The following GAS2L3 variants were observed in gnomAD, a reference collection of about 807,000 sequenced individuals.
GAS2L3 encodes growth arrest specific 2 like 3.
Under a neutral mutation model 37.0 loss-of-function variants are expected in GAS2L3, and 28 were observed. That is an observed-to-expected ratio of 0.76 (90% CI 0.56 to 1.04). GAS2L3 has a LOEUF of 1.04. Ranked by LOEUF, GAS2L3 falls within the 50% of genes least tolerant of loss-of-function variation. The probability of loss-of-function intolerance (pLI) is 0.00; values close to 1 mark genes in which losing one functional copy is unlikely to be tolerated. For missense variants in GAS2L3, 793 were observed against 817.6 expected, an observed-to-expected ratio of 0.97 and a Z score of 0.37; for synonymous variants, 290 against 296.6, an observed-to-expected ratio of 0.98 and a Z score of 0.23.
At chr12:100,594,801 T>C in intron 2 of GAS2L3, 74 bp from the exon 3 acceptor site, 1 of 464,236 alleles carries the variant, frequency 2.2e-6, no homozygotes, top group Non-Finnish European at 3.8e-6. Flanking sequence ...TCCTAAATCT[T>C]GTAATTTGGG....
rs58446699 is a variant in GAS2L3 at position 100,575,476 on chromosome 12, A to ATTTTTTTTTTTT, written c.-152+1703_-152+1714dup. Among the ~76,000 whole-genome samples the ATTTTTTTTTTTT allele has an allele frequency of 7.9e-5, 7 of 88,796 alleles. 1 individual carries two copies. The highest frequency in any genetic ancestry group is 3.1e-4 in the Admixed American group (2 of 6,546). The allele number at this position is 88,796 out of a possible 152,430, so 58.3% of individuals were successfully genotyped here. On this transcript the variant is annotated intron_variant, in intron 1 of 9. Coordinates refer to ENST00000547754, the MANE Select transcript of GAS2L3 (RefSeq NM_174942.3). ...CTAAAATGTAGTTCATGTTATCTCT[A>ATTTTTTTTTTTT]TTTTTTTTTTTTTTTTTTTTTTTGA...
rs1956135488 is a variant in GAS2L3 at position 100,612,149 on chromosome 12, A to G, written c.445+8A>G. 6.2e-7 allele frequency: 1 copy of G among 1,610,616 alleles called. No individual in the cohort carries two copies. ...TTGAATCTGAAGGTTTAGGTAAGTGATGTTCTTGTCATTCTTGTTTTTAAT... is the reference window on the plus strand; with the variant it reads ...TTGAATCTGAAGGTTTAGGTAAGTGGTGTTCTTGTCATTCTTGTTTTTAAT... On this transcript the variant is annotated splice_region_variant and intron_variant, in intron 6 of 9. Transcript: ENST00000547754.
intron 3 of GAS2L3, among the ~76,000 whole-genome samples, chr12:100,597,337 A>G (rs995040012): frequency 6.6e-6 from 1 of 152,102 alleles, no homozygotes; most frequent in African/African-American, 2.4e-5. Flanking sequence ...TTCCTCAATT[A>G]TTGAACAAAT....
At chr12:100,612,221 A>G in intron 6 of GAS2L3, 80 bp downstream of exon 6, 1 of 1,169,780 alleles carries the variant, frequency 8.5e-7, no homozygotes, top group South Asian at 1.3e-5. Context: ...TTTTCTTTCC[A>G]AATAAGGACT....
chr12:100,575,856 G>A (rs1593153850), intron 1 of GAS2L3, among the ~76,000 whole-genome samples: 2 of 152,154 alleles, frequency 1.3e-5, no homozygotes, highest in African/African-American at 4.8e-5. Context: ...GGAATTCAGT[G>A]CAGGCTTTTT....
At chr12:100,583,741 T>C (rs1007153924) in intron 1 of GAS2L3, among the ~76,000 whole-genome samples, 1 of 152,150 alleles carries the variant, frequency 6.6e-6, no homozygotes, top group African/African-American at 2.4e-5. Flanking sequence ...AGTGCTGGGA[T>C]TACAGGCATT....
chr12:100,594,993 GAT>G (rs1955892945), intron 3 of GAS2L3, 71 bp downstream of exon 3: 1 of 679,634 alleles, frequency 1.5e-6, no homozygotes, highest in East Asian at 3.2e-5. Context: ...AATTAGCAAA[GAT>G]AAAATTATCA....
chr12:100,624,249 A>G lies in GAS2L3; in HGVS notation c.1444A>G (p.Arg482Gly). The change falls in exon 10 of 10, where the codon AGA becomes GGA. Residue 482 changes from arginine (R) to glycine (G), a missense_variant. Coordinates refer to ENST00000547754, the MANE Select transcript of GAS2L3 (RefSeq NM_174942.3). Reference sequence around the variant, plus strand: ...TTTGAAACATAATCATATTTCTTCCAGAGATAATGCAGTATCTCACTTAGC... The same window carrying G: ...TTTGAAACATAATCATATTTCTTCCGGAGATAATGCAGTATCTCACTTAGC... ...KYLKHNHISS[R>G]DNAVSHLAAH... The G allele has an allele frequency of 1.2e-6, 2 of 1,614,132 alleles. No individual in the cohort carries two copies. Among genetic ancestry groups the G allele is most frequent in the Non-Finnish European group, 1.7e-6 (2 of 1,179,992 alleles).
chr12:100,593,030 G>A (rs796320981), intron 2 of GAS2L3, among the ~76,000 whole-genome samples: 13 of 152,238 alleles, frequency 8.5e-5, no homozygotes, highest in African/African-American at 2.2e-4. Context: ...AGCAAGAAAT[G>A]TGATTGTGAT....
chr12:100,577,072 T>C (rs1308016877), intron 1 of GAS2L3, among the ~76,000 whole-genome samples: 1 of 152,230 alleles, frequency 6.6e-6, no homozygotes, highest in African/African-American at 2.4e-5. Context: ...ATGTCTTCTT[T>C]GTTACACACA....
At chr12:100,576,385 T>G (rs551970825) in intron 1 of GAS2L3, among the ~76,000 whole-genome samples, 5 of 152,356 alleles carry the variant, frequency 3.3e-5, no homozygotes, top group Admixed American at 1.3e-4. Context: ...TATTCTTATG[T>G]TTTACTTTCT....
intron 6 of GAS2L3, among the ~76,000 whole-genome samples, chr12:100,612,784 T>A (rs1956141802): frequency 6.6e-6 from 1 of 152,096 alleles, no homozygotes; most frequent in African/African-American, 2.4e-5. Flanking sequence ...GAATTCATAA[T>A]GTGATAAGTG....
At chr12:100,611,304 G>C (rs1565809337) in intron 5 of GAS2L3, 1 of 152,164 alleles carries the variant, frequency 6.6e-6, no homozygotes, top group Non-Finnish European at 1.5e-5. Flanking sequence ...AACATAGCAA[G>C]AATTTGAGGT....
chr12:100,580,672 G>T (rs1955699813), intron 1 of GAS2L3, among the ~76,000 whole-genome samples: 1 of 152,124 alleles, frequency 6.6e-6, no homozygotes, highest in African/African-American at 2.4e-5. Context: ...AGAAATCTAA[G>T]TCATGCCTTT....
chr12:100,605,719 A>T (rs141760863), intron 5 of GAS2L3, among the ~76,000 whole-genome samples: 1 of 151,424 alleles, frequency 6.6e-6, no homozygotes, highest in Non-Finnish European at 1.5e-5. Flanking sequence ...GAAATTTTTC[A>T]ATTTTCTTCT....
chr12:100,576,860 C>G (rs1159448678), intron 1 of GAS2L3, among the ~76,000 whole-genome samples: 1 of 152,176 alleles, frequency 6.6e-6, no homozygotes, highest in Non-Finnish European at 1.5e-5. Flanking sequence ...GTGATGTCAT[C>G]TTTGCCTCTG....
intron 1 of GAS2L3, among the ~76,000 whole-genome samples, chr12:100,590,228 C>T (rs1373914030): frequency 6.6e-6 from 1 of 152,040 alleles, no homozygotes; most frequent in African/African-American, 2.4e-5. Context: ...AAGAAAAACC[C>T]AAACAATCTC....
Position 100,625,152 on chromosome 12 carries a change from T to G in GAS2L3, c.*262T>G, listed in dbSNP as rs1956319704. 1 of 289,294 alleles carries G rather than the reference T, an allele frequency of 3.5e-6. No individual in the cohort carries two copies. Among genetic ancestry groups the G allele is most frequent in the Non-Finnish European group, 6.5e-6 (1 of 154,924 alleles). The allele number at this position is 289,294 out of a possible 1,614,324, so 17.9% of individuals were successfully genotyped here. A position where few individuals can be genotyped will look rare whatever the true frequency, so the allele number is the denominator to read the frequency against. On this transcript the variant is annotated 3_prime_UTR_variant, in exon 10 of 10. Coordinates refer to ENST00000547754, the MANE Select transcript of GAS2L3 (RefSeq NM_174942.3). The stretch of plus-strand genomic sequence containing the variant: ...TATATGATTTTCAGTCTATAGCATC[T>G]TTGTTAACATCTGCCTTTTGCAGGA...
intron 1 of GAS2L3, among the ~76,000 whole-genome samples, chr12:100,590,225 A>T (rs1016489518): frequency 1.3e-5 from 2 of 152,208 alleles, no homozygotes; most frequent in Non-Finnish European, 2.9e-5. Context: ...AGTAAGAAAA[A>T]CCCAAACAAT....
Sources: allele counts gnomAD v4.1 joint callset (sites outside exome capture counted in the v4.1 genomes callset), GRCh38; gene constraint gnomAD v4.1.1; transcripts MANE v1.5; gene names NCBI Gene and HGNC (gene_info 2026-07-23, HGNC 2026-07-21).